DLGAP5: variants seen among roughly 807,000 people sequenced by gnomAD.
DLGAP5 encodes the protein DLG associated protein 5, also known as disks large-associated protein 5.
In DLGAP5, 90 loss-of-function variants were observed where a neutral mutation model predicts 99.6. The ratio of observed to expected loss-of-function variants is 0.90; its 90% CI spans 0.76 to 1.08. DLGAP5 has a LOEUF of 1.08. Among genes scored for constraint, DLGAP5 ranks in the 50% least tolerant of loss-of-function variants. The pLI is 0.00. For synonymous variants in DLGAP5, 311 were observed against 321.3 expected (o/e 0.97, Z 0.34); for missense variants, 1,036 against 983.5 (o/e 1.05, Z -0.71).
At chr14:55,171,682 C>T (rs1882864386) in intron 10 of DLGAP5, among the ~76,000 whole-genome samples, 1 of 152,200 alleles carries the variant, frequency 6.6e-6, no homozygotes, top group Admixed American at 6.5e-5. Flanking sequence ...ATGTTCATAG[C>T]TGTTCACAAC....
rs756831884 is a variant in DLGAP5, at chr14:55,183,644, T to G, written c.348A>C (p.Gly116=). The G allele has an allele frequency of 6.2e-7, 1 of 1,612,480 alleles. No homozygotes were observed. The highest frequency in any genetic ancestry group is 8.5e-7 in the Non-Finnish European group (1 of 1,179,642). The change falls in exon 3 of 19, where the codon GGA becomes GGC. Residue 116 remains glycine (G), a synonymous_variant. Coordinates refer to ENST00000247191, the MANE Select transcript of DLGAP5 (RefSeq NM_014750.5). ...GTCTATAACGACCCACTTTAAATATTCCTCGTTTAGCTTTCTCTCTCTGCT... is the reference window on the plus strand; with the variant it reads ...GTCTATAACGACCCACTTTAAATATGCCTCGTTTAGCTTTCTCTCTCTGCT... ...LKEQREKAKR[G]IFKVGRYRPD... is the part of the protein sequence containing the mutation.
chr14:55,161,840 C>G (rs1481290725), intron 13 of DLGAP5, among the ~76,000 whole-genome samples: 2 of 128,644 alleles, frequency 1.6e-5, no homozygotes, highest in Non-Finnish European at 3.1e-5. Flanking sequence ...CGCCACTGCA[C>G]TCCAGCCTGG....
At chr14:55,168,907 T>C (rs530165569) in intron 12 of DLGAP5, among the ~76,000 whole-genome samples, 1 of 152,228 alleles carries the variant, frequency 6.6e-6, no homozygotes, top group South Asian at 2.1e-4. Flanking sequence ...CCGGGCGCGG[T>C]GGCTCATGCC....
chr14:55,167,290 TATC>T (rs938522208), intron 12 of DLGAP5, among the ~76,000 whole-genome samples: 4 of 148,886 alleles, frequency 2.7e-5, no homozygotes, highest in African/African-American at 1.0e-4. Flanking sequence ...AATGTAAACA[TATC>T]ATACTTTTAA....
At chr14:55,179,506 G>A (rs1883205901) in intron 7 of DLGAP5, 123 bp downstream of exon 7, 1 of 669,516 alleles carries the variant, frequency 1.5e-6, no homozygotes, top group African/African-American at 1.9e-5. Context: ...TTATGGTTCA[G>A]GAAGTTTTAA....
At position 55,177,957 on chromosome 14, in the gene DLGAP5, A is replaced by T. The variant is rs181115002; in HGVS notation, c.775-621T>A. ...AAATACGTATCTTTTTACTTAAATT[A>T]TGTTGATAATTACGGCCAGGCACGG... On this transcript the variant is annotated intron_variant, in intron 7 of 18. Transcript: ENST00000247191. Among the ~76,000 whole-genome samples, 67 of 152,032 alleles carry T rather than the reference A, an allele frequency of 4.4e-4. 2 individuals carry two copies. Among genetic ancestry groups the T allele is most frequent in the African/African-American group, 1.5e-3 (63 of 41,502 alleles).
chr14:55,179,034 G>A (rs958836921), intron 7 of DLGAP5, among the ~76,000 whole-genome samples: 4 of 152,130 alleles, frequency 2.6e-5, no homozygotes, highest in Non-Finnish European at 5.9e-5. Flanking sequence ...GCGACAGAGT[G>A]AGACTCTGTC....
chr14:55,180,510 G>A, intron 6 of DLGAP5, 146 bp downstream of exon 6: 1 of 1,131,618 alleles, frequency 8.8e-7, no homozygotes, highest in Non-Finnish European at 1.2e-6. Context: ...CCAGATGTCA[G>A]GGCACAGAAT....
chr14:55,180,209 T>C (rs1238598307), intron 6 of DLGAP5, among the ~76,000 whole-genome samples: 5 of 152,152 alleles, frequency 3.3e-5, no homozygotes, highest in Admixed American at 3.3e-4. Flanking sequence ...CAGGATTCCA[T>C]TACTCAGCTG....
chr14:55,152,066 C>T, intron 16 of DLGAP5, 125 bp from the exon 17 acceptor site: 1 of 848,940 alleles, frequency 1.2e-6, no homozygotes, highest in Non-Finnish European at 1.8e-6. Flanking sequence ...GTCTTAAGAA[C>T]ATTATAAATC....
intron 10 of DLGAP5, among the ~76,000 whole-genome samples, chr14:55,171,615 C>G (rs980515571): frequency 3.9e-5 from 6 of 152,190 alleles, no homozygotes. Context: ...AATTCTACTT[C>G]TGGGTATACA....
intron 18 of DLGAP5, among the ~76,000 whole-genome samples, chr14:55,149,843 A>G (rs1292174980): frequency 6.6e-6 from 1 of 151,830 alleles, no homozygotes; most frequent in African/African-American, 2.4e-5. Context: ...TGAGGTCAGA[A>G]GTTCGAGACC....
intron 18 of DLGAP5, chr14:55,148,750 CAAT>C (rs942114758): frequency 8.2e-5 from 39 of 478,372 alleles, no homozygotes; most frequent in African/African-American, 7.1e-4. Context: ...TTATAAACAA[CAAT>C]GATTATGCTA....
intron 1 of DLGAP5, chr14:55,191,107 G>C (rs900968215): frequency 2.0e-5 from 3 of 152,200 alleles, no homozygotes; most frequent in African/African-American, 7.2e-5. Context: ...CCTCCAGCTT[G>C]AAAGTCCAGA....
At position 55,170,049 on chromosome 14, in the gene DLGAP5, C is replaced by T. The variant is rs1377439768; in HGVS notation, c.1388-490G>A. Among the ~76,000 whole-genome samples the T allele has an allele frequency of 2.0e-5, 3 of 152,162 alleles. No individual in the cohort carries two copies. The South Asian group carries it at 6.2e-4, about 32-fold the overall frequency. On this transcript the variant is annotated intron_variant, in intron 11 of 18. Transcript: ENST00000247191. ...ACTTGGGAGGCTGAGGCAGGAGAAT[C>T]GCTTGAACCCAGGAGGCAGAGGTTG...
At chr14:55,189,982 G>A (rs1883555961) in intron 1 of DLGAP5, among the ~76,000 whole-genome samples, 1 of 152,096 alleles carries the variant, frequency 6.6e-6, no homozygotes, top group South Asian at 2.1e-4. Context: ...GCTATTTAGA[G>A]GCATCCAGCT....
intron 13 of DLGAP5, among the ~76,000 whole-genome samples, chr14:55,161,311 T>C (rs1159214069): frequency 6.6e-6 from 1 of 151,910 alleles, no homozygotes; most frequent in African/African-American, 2.4e-5. Context: ...AATAATGAAG[T>C]AGCATCCTTC....
intron 18 of DLGAP5, among the ~76,000 whole-genome samples, chr14:55,149,498 G>T (rs1341757942): frequency 6.6e-6 from 1 of 152,174 alleles, no homozygotes; most frequent in Non-Finnish European, 1.5e-5. Context: ...TAAGGAATTT[G>T]TGGCTTATGG....
intron 11 of DLGAP5, among the ~76,000 whole-genome samples, 156 bp from the exon 12 acceptor site, chr14:55,169,715 C>T (rs1208324151): frequency 6.6e-6 from 1 of 152,176 alleles, no homozygotes; most frequent in Non-Finnish European, 1.5e-5. Flanking sequence ...CATACAAATA[C>T]TGAGTACTAA....
Sources: allele counts gnomAD v4.1 joint callset (sites outside exome capture counted in the v4.1 genomes callset), GRCh38; gene constraint gnomAD v4.1.1; transcripts MANE v1.5; gene names NCBI Gene and HGNC (gene_info 2026-07-23, HGNC 2026-07-21).